CFAP61: variants seen among roughly 807,000 people sequenced by gnomAD.
The protein encoded by CFAP61 is cilia and flagella associated protein 61.
CFAP61 carries 107 observed loss-of-function variants against 135.6 expected under a neutral mutation model. The ratio of observed to expected loss-of-function variants is 0.79; its 90% confidence interval spans 0.67 to 0.93. The LOEUF is 0.93. Ranked by LOEUF, CFAP61 falls within the 40% of genes least tolerant of loss-of-function variation. The pLI, the probability that CFAP61 is intolerant of heterozygous loss-of-function variation, is 0.00. For missense variants in CFAP61, 1,507 were observed against 1,556.2 expected, an observed-to-expected ratio of 0.97 and a Z score of 0.53; for synonymous variants, 575 against 578.5, an observed-to-expected ratio of 0.99 and a Z score of 0.09.
At chr20:20,211,896 C>T (rs184204498) in intron 17 of CFAP61, among the ~76,000 whole-genome samples, 1 of 152,244 alleles carries the variant, frequency 6.6e-6, no homozygotes, top group Admixed American at 6.5e-5. Flanking sequence ...TGCAAACCAC[C>T]CCTCCCACCG....
chr20:20,056,142 T>G, intron 1 of CFAP61: 1 of 661,120 alleles, frequency 1.5e-6, no homozygotes, highest in Non-Finnish European at 2.6e-6. Flanking sequence ...TTGCGAGCAT[T>G]TCCTACACTT....
intron 24 of CFAP61, among the ~76,000 whole-genome samples, chr20:20,293,918 T>G (rs2055192234): frequency 6.6e-6 from 1 of 152,166 alleles, no homozygotes; most frequent in South Asian, 2.1e-4. Flanking sequence ...GTCTGATGAA[T>G]CCTGTGTCTT....
intron 6 of CFAP61, among the ~76,000 whole-genome samples, chr20:20,078,941 A>G (rs2046244203): frequency 6.6e-6 from 1 of 152,248 alleles, no homozygotes; most frequent in Non-Finnish European, 1.5e-5. Flanking sequence ...GCATTGAAAG[A>G]TTAATATGGG....
At chr20:20,217,970 T>C (rs2048147380) in intron 17 of CFAP61, among the ~76,000 whole-genome samples, 1 of 152,216 alleles carries the variant, frequency 6.6e-6, no homozygotes, top group African/African-American at 2.4e-5. Flanking sequence ...CCCTGGCTTT[T>C]CCCTCTCATC....
chr20:20,222,316 A>G (rs761291737), intron 17 of CFAP61, among the ~76,000 whole-genome samples: 2 of 152,216 alleles, frequency 1.3e-5, no homozygotes, highest in Non-Finnish European at 2.9e-5. Flanking sequence ...AAAGAGAAAT[A>G]TAAGAAAAAT....
At chr20:20,104,835 A>C (rs1410801086) in intron 8 of CFAP61, among the ~76,000 whole-genome samples, 3 of 152,042 alleles carry the variant, frequency 2.0e-5, no homozygotes, top group Non-Finnish European at 4.4e-5. Context: ...TCTTCTCCCC[A>C]TGTCTTCACA....
intron 25 of CFAP61, among the ~76,000 whole-genome samples, chr20:20,325,694 T>A (rs1175625478): frequency 1.3e-5 from 2 of 152,236 alleles, no homozygotes; most frequent in Admixed American, 6.5e-5. Context: ...AGTTTTTGTA[T>A]GGGCATAAGT....
At chr20:20,131,453 A>G (rs80229883) in intron 8 of CFAP61, among the ~76,000 whole-genome samples, 13,532 of 152,058 alleles carry the variant, frequency 0.089, 629 homozygotes, top group Middle Eastern at 0.15. Flanking sequence ...CTCTTATTCA[A>G]CTTTTAATGT....
chr20:20,245,623 A>G (rs2050388468), intron 18 of CFAP61, among the ~76,000 whole-genome samples: 1 of 152,168 alleles, frequency 6.6e-6, no homozygotes, highest in Non-Finnish European at 1.5e-5. Flanking sequence ...GGTCTTCGCA[A>G]ATTACTTGCT....
chr20:20,196,948 T>C (rs2056334530), intron 16 of CFAP61, among the ~76,000 whole-genome samples, 172 bp downstream of exon 16: 1 of 152,244 alleles, frequency 6.6e-6, no homozygotes, highest in South Asian at 2.1e-4. Context: ...AGTGACATTC[T>C]GTAGGCTTCG....
chr20:20,356,226 A>AGTCACACTGAGGGGAAGTG, intron 26 of CFAP61, among the ~76,000 whole-genome samples: 1 of 81,784 alleles, frequency 1.2e-5, no homozygotes, highest in South Asian at 5.1e-4. Flanking sequence ...GTGAGGAGCT[A>AGTCACACTGAGGGGAAGTG]GTCACACTGA....
intron 9 of CFAP61, among the ~76,000 whole-genome samples, chr20:20,156,848 G>C (rs1401113789): frequency 6.6e-6 from 1 of 152,150 alleles, no homozygotes; most frequent in Non-Finnish European, 1.5e-5. Context: ...AGAAATTAAA[G>C]AAGACCTAAA....
At chr20:20,350,631 AAAAAC>A (rs1358797007) in intron 26 of CFAP61, among the ~76,000 whole-genome samples, 1 of 152,172 alleles carries the variant, frequency 6.6e-6, no homozygotes, top group Non-Finnish European at 1.5e-5. Flanking sequence ...TCCATCTCAA[AAAAAC>A]AAAACAAACA....
intron 6 of CFAP61, among the ~76,000 whole-genome samples, chr20:20,087,596 G>C (rs566328249): frequency 6.6e-6 from 1 of 152,298 alleles, no homozygotes; most frequent in South Asian, 2.1e-4. Flanking sequence ...AGTGAGTGCA[G>C]TGATTCAAGC....
At chr20:20,233,644 G>C (rs1220279283) in intron 18 of CFAP61, among the ~76,000 whole-genome samples, 1 of 152,198 alleles carries the variant, frequency 6.6e-6, no homozygotes, top group Non-Finnish European at 1.5e-5. Flanking sequence ...TTGACATTCT[G>C]CCACCAGAGA....
chr20:20,270,353 T>C (rs2053246413), intron 21 of CFAP61, among the ~76,000 whole-genome samples: 1 of 152,132 alleles, frequency 6.6e-6, no homozygotes, highest in African/African-American at 2.4e-5. Context: ...CAGAGCACAA[T>C]TTCCAGATGT....
At chr20:20,271,492 C>A (rs2053348344) in intron 21 of CFAP61, among the ~76,000 whole-genome samples, 1 of 152,168 alleles carries the variant, frequency 6.6e-6, no homozygotes, top group African/African-American at 2.4e-5. Context: ...AGCACCCTTG[C>A]ACATTCTGTT....
intron 2 of CFAP61, among the ~76,000 whole-genome samples, chr20:20,061,770 T>C (rs1568802945): frequency 6.6e-6 from 1 of 152,198 alleles, no homozygotes; most frequent in Non-Finnish European, 1.5e-5. Flanking sequence ...GTTTTCTATC[T>C]TTGTTGAGCC....
At chr20:20,268,420 GA>G (rs2147023777) in intron 21 of CFAP61, among the ~76,000 whole-genome samples, 1 of 152,296 alleles carries the variant, frequency 6.6e-6, no homozygotes, top group African/African-American at 2.4e-5. Context: ...GCTCTCCTTT[GA>G]ACTTCTACCC....
Sources: gnomAD v4.1 joint callset for allele counts (sites outside exome capture counted in the v4.1 genomes callset) on GRCh38, gnomAD v4.1.1 for gene constraint, MANE v1.5 for transcripts, NCBI Gene and HGNC (gene_info 2026-07-23, HGNC 2026-07-21) for gene names.